Variants in PCDHA7 observed in about 807,000 individuals in gnomAD.
The protein encoded by PCDHA7 is protocadherin alpha-7.
A neutral mutation model predicts 57.2 loss-of-function variants in PCDHA7; 37 were observed. That is an observed-to-expected ratio of 0.65 (90% CI 0.50 to 0.85). The LOEUF (loss-of-function observed/expected upper bound fraction) is 0.85. Ranked by LOEUF, PCDHA7 falls within the 40% of genes least tolerant of loss-of-function variation. PCDHA7 has a pLI of 0.00. For missense variants in PCDHA7, 1,188 were observed against 1,241.8 expected, an observed-to-expected ratio of 0.96 and a Z score of 0.65; for synonymous variants, 553 against 558.8, an observed-to-expected ratio of 0.99 and a Z score of 0.15.
intron 1 of PCDHA7, chr5:140,882,766 G>T: frequency 1.2e-6 from 2 of 1,614,184 alleles, no homozygotes; most frequent in South Asian, 2.2e-5. Context: ...GAGTAAACTC[G>T]GCATTGACCT....
intron 3 of PCDHA7, chr5:140,988,873 G>A (rs1471282852): frequency 6.6e-6 from 1 of 152,170 alleles, no homozygotes; most frequent in Non-Finnish European, 1.5e-5. Context: ...GCACTCAGAT[G>A]TACGATCCTG....
intron 1 of PCDHA7, among the ~76,000 whole-genome samples, chr5:140,963,536 T>G (rs2095772178): frequency 6.6e-6 from 1 of 152,230 alleles, no homozygotes; most frequent in African/African-American, 2.4e-5. Flanking sequence ...TCCCATTTAC[T>G]TCATGATATA....
chr5:140,891,592 T>G (rs1162338197), intron 1 of PCDHA7, among the ~76,000 whole-genome samples: 1 of 152,216 alleles, frequency 6.6e-6, no homozygotes, highest in East Asian at 1.9e-4. Context: ...TATTACTCTA[T>G]CCCATCTATT....
At chr5:141,008,712 T>G (rs1554261909) in intron 3 of PCDHA7, among the ~76,000 whole-genome samples, 1 of 152,210 alleles carries the variant, frequency 6.6e-6, no homozygotes, top group Non-Finnish European at 1.5e-5. Flanking sequence ...TCTAGTTGCT[T>G]GAGTGTATGT....
intron 1 of PCDHA7, among the ~76,000 whole-genome samples, chr5:140,897,322 A>C (rs1407696399): frequency 7.4e-6 from 1 of 134,448 alleles, no homozygotes; most frequent in Non-Finnish European, 1.6e-5. Context: ...TCCTAAAGCT[A>C]TCCCTCCCCC....
chr5:140,860,216 T>G (rs1554153148), intron 1 of PCDHA7: 1 of 150,178 alleles, frequency 6.7e-6, no homozygotes, highest in Admixed American at 6.6e-5. Context: ...TATGTACTTA[T>G]GTATATATAA....
chr5:140,862,289 G>T (rs782742229), intron 1 of PCDHA7: 4 of 264,626 alleles, frequency 1.5e-5, no homozygotes, highest in Non-Finnish European at 3.0e-5. Context: ...TGTACAGGAG[G>T]ACGCTCCACT....
intron 1 of PCDHA7, chr5:140,928,319 AG>A: frequency 6.2e-7 from 1 of 1,614,200 alleles, no homozygotes. Flanking sequence ...GACCTGGGGA[AG>A]AATGGCCTTG....
chr5:140,877,707 G>A, intron 1 of PCDHA7: 2 of 1,614,062 alleles, frequency 1.2e-6, no homozygotes, highest in Non-Finnish European at 1.7e-6. Flanking sequence ...CCAGCGCCGT[G>A]GGGAGTTGGT....
rs1166477260 is a variant in PCDHA7, at chr5:140,843,587, C to T, written c.2355+6849C>T. 5 of 1,596,096 alleles carry T rather than the reference C, an allele frequency of 3.1e-6. 1 individual carries two copies. In the East Asian group the frequency reaches 6.7e-5, roughly 21 times the overall value. The stretch of plus-strand genomic sequence containing the variant: ...CTGGTCATACTCGCAACAACAGCCG[C>T]AGAGGGTGTGCTCTGGTGAGGGGCC... On this transcript the variant is annotated intron_variant, in intron 1 of 3. Coordinates refer to ENST00000525929, the MANE Select transcript of PCDHA7 (RefSeq NM_018910.3).
At chr5:140,968,008 CT>C (rs782634586) in intron 1 of PCDHA7, 1 of 1,614,202 alleles carries the variant, frequency 6.2e-7, no homozygotes, top group Non-Finnish European at 8.5e-7. Context: ...GACTGAATGG[CT>C]TTGGAAACTC....
chr5:141,002,973 G>A (rs1313247449), intron 3 of PCDHA7, among the ~76,000 whole-genome samples: 2 of 152,216 alleles, frequency 1.3e-5, no homozygotes, highest in African/African-American at 2.4e-5. Flanking sequence ...CCTGAAAATA[G>A]TATCCTTGGT....
chr5:140,968,488 C>A, intron 1 of PCDHA7: 1 of 1,614,148 alleles, frequency 6.2e-7, no homozygotes, highest in South Asian at 1.1e-5. Context: ...ACATGAATGA[C>A]CATGCCCCTC....
At chr5:140,895,904 C>T (rs956599707) in intron 1 of PCDHA7, among the ~76,000 whole-genome samples, 10 of 152,136 alleles carry the variant, frequency 6.6e-5, no homozygotes, top group South Asian at 2.1e-4. Flanking sequence ...CTCCGCGTCC[C>T]GGGCTCAACA....
intron 1 of PCDHA7, chr5:140,871,257 G>A (rs374337862): frequency 1.2e-6 from 2 of 1,613,940 alleles, no homozygotes; most frequent in Admixed American, 1.7e-5. Context: ...TGCTGTATAC[G>A]GCGCTGTGGT....
chr5:140,967,601 C>A lies in PCDHA7; in HGVS notation c.2356-11348C>A, dbSNP rs782574259. The A allele has an allele frequency of 9.3e-6, 15 of 1,614,144 alleles. No individual in the cohort carries two copies. The highest frequency in any genetic ancestry group is 1.3e-5 in the Non-Finnish European group (15 of 1,180,034). ...ACCCCCAGGCACATTGGTGGTGAAGCTGAATGCCTCAGACCCGGATGAGGG... is the reference window on the plus strand; with the variant it reads ...ACCCCCAGGCACATTGGTGGTGAAGATGAATGCCTCAGACCCGGATGAGGG... On this transcript the variant is annotated intron_variant, in intron 1 of 3. Transcript: ENST00000525929.
chr5:140,916,520 G>C (rs1339531103), intron 1 of PCDHA7, among the ~76,000 whole-genome samples: 1 of 152,112 alleles, frequency 6.6e-6, no homozygotes, highest in African/African-American at 2.4e-5. Context: ...GCCAAGACTG[G>C]GTCCTTCCCA....
intron 1 of PCDHA7, chr5:140,842,322 G>T (rs1349163820): frequency 6.2e-7 from 1 of 1,607,612 alleles, no homozygotes. Flanking sequence ...GCGGGTCATT[G>T]CACCGTTTTA....
intron 1 of PCDHA7, among the ~76,000 whole-genome samples, chr5:140,906,171 C>T (rs2072420841): frequency 6.6e-6 from 1 of 152,178 alleles, no homozygotes; most frequent in Non-Finnish European, 1.5e-5. Flanking sequence ...AGGAACAATA[C>T]TTTGCATCCT....
Sources: allele counts gnomAD v4.1 joint callset (sites outside exome capture counted in the v4.1 genomes callset), GRCh38; gene constraint gnomAD v4.1.1; transcripts MANE v1.5; gene names NCBI Gene and HGNC (gene_info 2026-07-23, HGNC 2026-07-21).